ELF5: variants seen among roughly 807,000 people sequenced by gnomAD.
The protein encoded by ELF5 is E74 like ETS transcription factor 5, also known as ETS-related transcription factor Elf-5.
Under a neutral mutation model 38.2 loss-of-function variants are expected in ELF5, and 31 were observed. That is an observed-to-expected ratio of 0.81 (90% CI 0.61 to 1.10). The LOEUF (loss-of-function observed/expected upper bound fraction) is 1.10. Ranked by LOEUF, ELF5 falls within the 50% of genes least tolerant of loss-of-function variation. The pLI is 0.00. For synonymous variants in ELF5, 121 were observed against 112.5 expected, an observed-to-expected ratio of 1.08 and a Z score of -0.48; for missense variants, 300 against 306.6, an observed-to-expected ratio of 0.98 and a Z score of 0.16.
intron 2 of ELF5, among the ~76,000 whole-genome samples, chr11:34,497,666 C>A (rs2133890657): frequency 6.6e-6 from 1 of 152,326 alleles, no homozygotes; most frequent in East Asian, 1.9e-4. Context: ...CCAAAGTGCA[C>A]AATGGCTACC....
At chr11:34,481,399 C>T (rs1355874088) in intron 5 of ELF5, among the ~76,000 whole-genome samples, 1 of 151,998 alleles carries the variant, frequency 6.6e-6, no homozygotes, top group East Asian at 1.9e-4. Context: ...TGGAATATTT[C>T]CCATTGTTAT....
At chr11:34,512,843 C>T (rs959712654) in intron 1 of ELF5, among the ~76,000 whole-genome samples, 3 of 152,162 alleles carry the variant, frequency 2.0e-5, no homozygotes, top group African/African-American at 7.2e-5. Flanking sequence ...CACCCCTTTC[C>T]CTGGGTCTCT....
chr11:34,496,223 G>T (rs138626940), intron 2 of ELF5, among the ~76,000 whole-genome samples: 2 of 152,218 alleles, frequency 1.3e-5, no homozygotes, highest in Non-Finnish European at 2.9e-5. Flanking sequence ...CCTGCTCCTC[G>T]GCGCTCTGCT....
intron 2 of ELF5, among the ~76,000 whole-genome samples, chr11:34,501,519 C>T (rs758521901): frequency 1.3e-5 from 2 of 152,042 alleles, no homozygotes; most frequent in African/African-American, 2.4e-5. Flanking sequence ...TACTGGAACT[C>T]GACTGGAGAA....
At chr11:34,497,676 C>T (rs1850350993) in intron 2 of ELF5, among the ~76,000 whole-genome samples, 2 of 152,156 alleles carry the variant, frequency 1.3e-5, no homozygotes, top group Non-Finnish European at 2.9e-5. Context: ...CAATGGCTAC[C>T]CGACCCCTTG....
At chr11:34,489,943 T>A in intron 4 of ELF5, 66 bp downstream of exon 4, 1 of 1,566,376 alleles carries the variant, frequency 6.4e-7, no homozygotes, top group Non-Finnish European at 8.8e-7. Flanking sequence ...CCTAAAAGAA[T>A]GGTCAAGCCC....
intron 2 of ELF5, among the ~76,000 whole-genome samples, chr11:34,504,313 A>G (rs1850549948): frequency 6.6e-6 from 1 of 152,220 alleles, no homozygotes; most frequent in South Asian, 2.1e-4. Flanking sequence ...TTAGGCCTAA[A>G]GGAGAATTGT....
chr11:34,506,121 T>A (rs991960798), intron 1 of ELF5, among the ~76,000 whole-genome samples: 2 of 152,220 alleles, frequency 1.3e-5, no homozygotes, highest in East Asian at 3.8e-4. Context: ...TGATGTTCAA[T>A]AATATGCTTC....
intron 6 of ELF5, 66 bp from the exon 7 acceptor site, chr11:34,480,380 A>G: frequency 8.1e-7 from 1 of 1,240,410 alleles, no homozygotes; most frequent in South Asian, 1.2e-5. Context: ...CAGAACACAA[A>G]CACTGTCTCC....
At chr11:34,483,144 T>C (rs552424479) in intron 4 of ELF5, among the ~76,000 whole-genome samples, 25 of 151,974 alleles carry the variant, frequency 1.6e-4, no homozygotes, top group Admixed American at 1.1e-3. Flanking sequence ...CATCAGGGAC[T>C]TCGCAGTTGC....
At position 34,496,223 on chromosome 11, in the gene ELF5, G is replaced by C. The variant is rs138626940; in HGVS notation, c.122-2511C>G. ...TGCTGGCGCTGGCTCCCTGCTCCTC[G>C]GCGCTCTGCTTTGAAGCTCACCCAC... On this transcript the variant is annotated intron_variant, in intron 2 of 6. Coordinates refer to ENST00000257832, the MANE Select transcript of ELF5 (RefSeq NM_001422.4). Among the ~76,000 whole-genome samples, 839 of 152,330 alleles carry C rather than the reference G, an allele frequency of 5.5e-3. 6 individuals are homozygous for C. The highest frequency in any genetic ancestry group is 0.019 in the African/African-American group (798 of 41,580).
intron 4 of ELF5, among the ~76,000 whole-genome samples, chr11:34,484,023 C>G (rs1021933302): frequency 6.6e-6 from 1 of 151,142 alleles, no homozygotes; most frequent in African/African-American, 2.4e-5. Flanking sequence ...TTGTACTGTA[C>G]TAACTATATT....
At chr11:34,491,029 C>T (rs187274440) in intron 3 of ELF5, among the ~76,000 whole-genome samples, 1 of 152,230 alleles carries the variant, frequency 6.6e-6, no homozygotes, top group African/African-American at 2.4e-5. Context: ...CTGGATGGTG[C>T]TGAGGCCTTA....
At chr11:34,509,181 T>G (rs1472451989) in intron 1 of ELF5, among the ~76,000 whole-genome samples, 1 of 151,962 alleles carries the variant, frequency 6.6e-6, no homozygotes, top group Non-Finnish European at 1.5e-5. Flanking sequence ...AACACAACAA[T>G]TAGCTGGGCA....
intron 2 of ELF5, among the ~76,000 whole-genome samples, chr11:34,497,427 T>G (rs1046940474): frequency 1.3e-5 from 2 of 152,192 alleles, no homozygotes; most frequent in Non-Finnish European, 2.9e-5. Flanking sequence ...GTCAGGACAC[T>G]TGTTTCAGGG....
intron 1 of ELF5, among the ~76,000 whole-genome samples, chr11:34,507,878 C>T (rs1057084744): frequency 2.6e-5 from 4 of 152,154 alleles, no homozygotes; most frequent in Non-Finnish European, 4.4e-5. Context: ...GTGAATTCTT[C>T]ATCTAGTCCA....
In ELF5 at chr11:34,486,109, G is replaced by A. The variant is rs73438709; in HGVS notation, c.407-3610C>T. Reference sequence around the variant, plus strand: ...GCAAGCACTCCAGAAGCTGGGGTGGGGGCCTGAGTTGCAGGGTTTCCGAAA... The same window carrying A: ...GCAAGCACTCCAGAAGCTGGGGTGGAGGCCTGAGTTGCAGGGTTTCCGAAA... On this transcript the variant is annotated intron_variant, in intron 4 of 6. Transcript: ENST00000257832. Among the ~76,000 whole-genome samples, 423 of 152,196 alleles carry A rather than the reference G, an allele frequency of 2.8e-3. 1 individual carries two copies. The highest frequency in any genetic ancestry group is 9.5e-3 in the African/African-American group (395 of 41,522).
At chr11:34,503,466 CTT>C (rs11398352) in intron 2 of ELF5, among the ~76,000 whole-genome samples, 1 of 140,014 alleles carries the variant, frequency 7.1e-6, no homozygotes, top group Admixed American at 7.1e-5. Context: ...GCTCCCCAAC[CTT>C]TTTTTTTTAT....
intron 1 of ELF5, chr11:34,511,844 G>T: frequency 2.0e-6 from 1 of 489,510 alleles, no homozygotes; most frequent in South Asian, 2.7e-5. Flanking sequence ...TGACTCTGGT[G>T]GTGATCATCA....
Sources: allele counts gnomAD v4.1 joint callset (sites outside exome capture counted in the v4.1 genomes callset), GRCh38; gene constraint gnomAD v4.1.1; transcripts MANE v1.5; gene names NCBI Gene and HGNC (gene_info 2026-07-23, HGNC 2026-07-21).